RBFOX1: variants seen among roughly 807,000 people sequenced by gnomAD.
RBFOX1 encodes the protein RNA binding protein fox-1 homolog 1.
A neutral mutation model predicts 57.7 loss-of-function variants in RBFOX1; 8 were observed. The ratio of observed to expected loss-of-function variants is 0.14; its 90% CI spans 0.08 to 0.25. The LOEUF is 0.25. Ranked by LOEUF, RBFOX1 falls within the 10% of genes least tolerant of loss-of-function variation. RBFOX1 has a pLI of 1.00. For synonymous variants in RBFOX1, 326 were observed against 222.4 expected, an observed-to-expected ratio of 1.47 and a Z score of -4.15; for missense variants, 611 against 548.5, an observed-to-expected ratio of 1.11 and a Z score of -1.14.
intron 4 of RBFOX1, among the ~76,000 whole-genome samples, chr16:5,876,122 T>C (rs8052217): frequency 0.15 from 22,864 of 152,020 alleles, 2,060 homozygotes; most frequent in Non-Finnish European, 0.2. Flanking sequence ...GGATTACAGG[T>C]GTGAACCACC....
At chr16:7,019,077 A>AGT (rs1027273233) in intron 3 of RBFOX1, among the ~76,000 whole-genome samples, 2 of 151,950 alleles carry the variant, frequency 1.3e-5, no homozygotes, top group Non-Finnish European at 2.9e-5. Context: ...TGTGTGTGTG[A>AGT]GTGTGTGTAT....
At chr16:6,002,009 C>G (rs1192241820) in intron 4 of RBFOX1, among the ~76,000 whole-genome samples, 1 of 145,378 alleles carries the variant, frequency 6.9e-6, no homozygotes, top group Non-Finnish European at 1.5e-5. Flanking sequence ...CTCTGTCACT[C>G]AGGCTGGAGT....
At chr16:5,973,399 ATAGT>A (rs2060000567) in intron 4 of RBFOX1, among the ~76,000 whole-genome samples, 2 of 152,278 alleles carry the variant, frequency 1.3e-5, no homozygotes, top group African/African-American at 4.8e-5. Context: ...CAAACTCATC[ATAGT>A]TAGTATGTCT....
At chr16:7,020,552 A>G (rs1466665631) in intron 3 of RBFOX1, among the ~76,000 whole-genome samples, 1 of 152,206 alleles carries the variant, frequency 6.6e-6, no homozygotes, top group Non-Finnish European at 1.5e-5. Context: ...AATGTTTATG[A>G]AAATTAAATA....
intron 1 of RBFOX1, among the ~76,000 whole-genome samples, chr16:5,390,444 A>G (rs1013637489): frequency 6.6e-6 from 1 of 151,940 alleles, no homozygotes; most frequent in African/African-American, 2.4e-5. Context: ...GCCCACGACT[A>G]CACTCGGCTA....
intron 1 of RBFOX1, among the ~76,000 whole-genome samples, chr16:5,447,378 A>C (rs201732111): frequency 2.6e-3 from 347 of 134,424 alleles, no homozygotes; most frequent in African/African-American, 4.5e-3. Context: ...CAATCAATCA[A>C]TCTCTCTCTC....
At chr16:7,073,519 T>C (rs2057746779) in intron 4 of RBFOX1, among the ~76,000 whole-genome samples, 1 of 151,994 alleles carries the variant, frequency 6.6e-6, no homozygotes, top group African/African-American at 2.4e-5. Flanking sequence ...ATCCACACAA[T>C]TGAAATGTCC....
intron 3 of RBFOX1, among the ~76,000 whole-genome samples, chr16:5,820,416 C>T (rs760764638): frequency 2.0e-5 from 3 of 152,238 alleles, no homozygotes; most frequent in African/African-American, 4.8e-5. Flanking sequence ...AGGACCATCC[C>T]GGTGACCCCG....
At chr16:6,316,570 A>G (rs954837235) in intron 1 of RBFOX1, among the ~76,000 whole-genome samples, 1 of 152,170 alleles carries the variant, frequency 6.6e-6, no homozygotes, top group Non-Finnish European at 1.5e-5. Flanking sequence ...ATCCATAATG[A>G]TATATCTGAA....
chr16:7,441,046 C>G (rs1402376837), intron 4 of RBFOX1, among the ~76,000 whole-genome samples: 1 of 137,856 alleles, frequency 7.3e-6, no homozygotes, highest in Non-Finnish European at 1.5e-5. Flanking sequence ...TCTTAAAAAC[C>G]AAAGAAAAAA....
intron 4 of RBFOX1, among the ~76,000 whole-genome samples, chr16:7,238,600 A>C (rs2093895525): frequency 6.6e-6 from 1 of 152,124 alleles, no homozygotes; most frequent in Non-Finnish European, 1.5e-5. Context: ...CAAATTCTGA[A>C]TCTCCAATAA....
chr16:5,575,015 G>A (rs534801217), intron 2 of RBFOX1, among the ~76,000 whole-genome samples: 6 of 152,250 alleles, frequency 3.9e-5, no homozygotes, highest in South Asian at 2.1e-4. Flanking sequence ...GATAACAAAC[G>A]GATACTTGAA....
At chr16:6,442,759 C>T (rs535373296) in intron 2 of RBFOX1, among the ~76,000 whole-genome samples, 1 of 152,220 alleles carries the variant, frequency 6.6e-6, no homozygotes, top group East Asian at 1.9e-4. Context: ...TGAAAGACAG[C>T]GTCCCCTTCT....
chr16:7,262,747 A>G lies in RBFOX1; in HGVS notation c.27+210649A>G, dbSNP rs921159030. On this transcript the variant is annotated intron_variant, in intron 4 of 15. Coordinates refer to ENST00000550418, the MANE Select transcript of RBFOX1 (RefSeq NM_018723.4). ...GGAGAGGGCATCATGCCCGGCATGC[A>G]TGGATGGCAGAAGAGTTACTGCAAA... 5.3e-5 allele frequency among the ~76,000 whole-genome samples: 8 copies of G among 152,286 alleles called. No individual in the cohort carries two copies. The South Asian group carries it at 8.3e-4, about 16-fold the overall frequency.
chr16:5,813,441 T>C (rs1439519374), intron 3 of RBFOX1, among the ~76,000 whole-genome samples: 3 of 152,210 alleles, frequency 2.0e-5, no homozygotes, highest in African/African-American at 7.2e-5. Context: ...TTTGGTTTTA[T>C]GTGGTCTATC....
intron 4 of RBFOX1, among the ~76,000 whole-genome samples, chr16:7,157,125 T>C (rs1173348423): frequency 1.3e-5 from 2 of 152,148 alleles, no homozygotes. Context: ...GAGAAAGCAA[T>C]CGTATTCTCA....
chr16:7,109,269 G>A (rs1188028661), intron 4 of RBFOX1, among the ~76,000 whole-genome samples: 1 of 152,096 alleles, frequency 6.6e-6, no homozygotes, highest in Non-Finnish European at 1.5e-5. Flanking sequence ...GGATGCAAAC[G>A]TCTACAAAGG....
intron 1 of RBFOX1, among the ~76,000 whole-genome samples, chr16:6,171,385 A>G (rs2096959405): frequency 6.6e-6 from 1 of 152,194 alleles, no homozygotes; most frequent in African/African-American, 2.4e-5. Flanking sequence ...TTCAATGCAT[A>G]AGGAGTTCAA....
chr16:5,998,667 T>C (rs144900925), intron 4 of RBFOX1, among the ~76,000 whole-genome samples: 1 of 152,306 alleles, frequency 6.6e-6, no homozygotes, highest in East Asian at 1.9e-4. Flanking sequence ...CACTGGTGTG[T>C]TGTCGTCCCA....
Sources: gnomAD v4.1 joint callset for allele counts (sites outside exome capture counted in the v4.1 genomes callset) on GRCh38, gnomAD v4.1.1 for gene constraint, MANE v1.5 for transcripts, NCBI Gene and HGNC (gene_info 2026-07-23, HGNC 2026-07-21) for gene names.